The following TMEM130 variants were observed in gnomAD, a reference collection of about 807,000 sequenced individuals.
TMEM130 encodes transmembrane protein 130.
Under a neutral mutation model 42.9 loss-of-function variants are expected in TMEM130, and 37 were observed. The observed-to-expected ratio is 0.86, with a 90% CI of 0.66 to 1.13. The LOEUF (loss-of-function observed/expected upper bound fraction) is 1.13. Ranked by LOEUF, TMEM130 falls within the 50% of genes most tolerant of loss-of-function variation. The pLI, the probability that TMEM130 is intolerant of heterozygous loss-of-function variation, is 0.00. For synonymous variants in TMEM130, 259 were observed against 237.7 expected, an observed-to-expected ratio of 1.09 and a Z score of -0.82; for missense variants, 545 against 562.6, an observed-to-expected ratio of 0.97 and a Z score of 0.32.
intron 3 of TMEM130, among the ~76,000 whole-genome samples, chr7:98,858,223 A>G (rs1247763528): frequency 1.3e-5 from 2 of 151,998 alleles, no homozygotes; most frequent in African/African-American, 2.4e-5. Flanking sequence ...GTTTCTGTTC[A>G]TACTAACGCT....
At position 98,847,881 on chromosome 7, in the gene TMEM130, G is replaced by A. The variant is rs1477107313; in HGVS notation, c.*175C>T. 8.1e-6 allele frequency: 5 copies of A among 618,304 alleles called. No homozygotes were observed. The highest frequency in any genetic ancestry group is 1.4e-5 in the Non-Finnish European group (5 of 352,362). The allele number at this position is 618,304 out of a possible 1,614,324, so 38.3% of individuals were successfully genotyped here. ...CAGATGGGTGAATGGCTGGGGTCAG[G>A]GGTGACAGAGAGGGAGGGGCTTGTG... On this transcript the variant is annotated 3_prime_UTR_variant, in exon 8 of 8. Transcript: ENST00000339375.
chr7:98,869,864 CG>C lies in TMEM130; in HGVS notation c.-4del. On this transcript the variant is annotated 5_prime_UTR_variant, in exon 1 of 8. Coordinates refer to ENST00000339375, the MANE Select transcript of TMEM130 (RefSeq NM_152913.3). The surrounding 1 kb of genome is among the most constrained non-coding windows in gnomAD (Gnocchi z 4.7). ...CGCGACCACACTGCCTGGGCCATTG[CG>C]GGGCCCGGAGCGGGAGAAGCGTGGG... 2.2e-6 allele frequency: 3 copies of C among 1,371,838 alleles called. No individual in the cohort carries two copies. Among genetic ancestry groups the C allele is most frequent in the Non-Finnish European group, 1.9e-6 (2 of 1,058,108 alleles). 85.0% of individuals were successfully genotyped at this position (1,371,838 alleles called of 1,614,324 possible).
chr7:98,869,801 A>G lies in TMEM130; in HGVS notation c.61T>C (p.Trp21Arg). ...RILWLACLLP[W>R]APAGVAAGLY... ...CCTGCGGCCACCCCTGCCGGGGCCC[A>G]GGGCAGGAGGCAGGCAAGCCAGAGG... The change falls in exon 1 of 8, where the codon TGG (tryptophan) becomes CGG (arginine). Residue 21 changes from tryptophan (W) to arginine (R), a missense_variant. By Grantham distance (101) the Trp-to-Arg change is moderately radical. Coordinates refer to ENST00000339375, the MANE Select transcript of TMEM130 (RefSeq NM_152913.3). This position sits in a 1 kb window ranked among gnomAD's most constrained non-coding sequence, Gnocchi z 4.7. 3 of 1,434,894 alleles carry G rather than the reference A, an allele frequency of 2.1e-6. No homozygotes were observed. The highest frequency in any genetic ancestry group is 1.8e-6 in the Non-Finnish European group (2 of 1,094,942). 88.9% of individuals were successfully genotyped at this position (1,434,894 alleles called of 1,614,324 possible).
intron 6 of TMEM130, 33 bp from the exon 7 acceptor site, chr7:98,848,728 G>A: frequency 1.4e-6 from 2 of 1,413,096 alleles, no homozygotes; most frequent in Non-Finnish European, 2.0e-6. Flanking sequence ...TACAGGACTG[G>A]GTAGCTGGTA....
intron 5 of TMEM130, among the ~76,000 whole-genome samples, chr7:98,851,898 A>G (rs1465744976): frequency 3.9e-5 from 6 of 152,142 alleles, no homozygotes; most frequent in African/African-American, 1.4e-4. Flanking sequence ...CTGATGGCAC[A>G]CATGGTGTAC....
intron 6 of TMEM130, 150 bp from the exon 7 acceptor site, chr7:98,848,845 C>T (rs1399875350): frequency 1.6e-6 from 1 of 643,442 alleles, no homozygotes; most frequent in South Asian, 1.8e-5. Flanking sequence ...TGGGCAACCC[C>T]AATAGGTAAA....
chr7:98,869,071 A>C lies in TMEM130; in HGVS notation c.85+706T>G. ...TGCCCACGTCCCATCTGTCCCTCGA[A>C]TAGTCTTAAATCTGGGTCCTTTTAT... is the stretch of plus-strand genomic sequence containing the variant. On this transcript the variant is annotated intron_variant, in intron 1 of 7. Transcript: ENST00000339375. The surrounding 1 kb of genome is among the most constrained non-coding windows in gnomAD (Gnocchi z 4.7). 1.3e-6 allele frequency: 1 copy of C among 760,798 alleles called. No homozygotes were observed. The highest frequency in any genetic ancestry group is 3.0e-4 in the Middle Eastern group (1 of 3,342). 47.1% of individuals were successfully genotyped at this position (760,798 alleles called of 1,614,324 possible).
chr7:98,860,230 C>T lies in TMEM130; in HGVS notation c.500G>A (p.Ser167Asn), dbSNP rs1554399579. 2 of 1,613,938 alleles carry T rather than the reference C, an allele frequency of 1.2e-6. No individual in the cohort carries two copies. Among genetic ancestry groups the T allele is most frequent in the Admixed American group, 1.7e-5 (1 of 59,984 alleles). The change falls in exon 3 of 8, where the codon AGC (serine) becomes AAC (asparagine). Residue 167 changes from serine (S) to asparagine (N), a missense_variant. Physicochemically the swap from Ser to Asn is conservative, Grantham distance 46 (BLOSUM62 1). Coordinates refer to ENST00000339375, the MANE Select transcript of TMEM130 (RefSeq NM_152913.3). ...LKVSFLLHDP[S>N]NFLKTALFLY... ...AAACAAGGCGGTCTTGAGGAAGTTG[C>T]TCGGGTCGTGGAGGAGGAAGGAGAC...
chr7:98,868,353 A>G (rs2116147437), intron 1 of TMEM130, among the ~76,000 whole-genome samples: 1 of 152,326 alleles, frequency 6.6e-6, no homozygotes, highest in African/African-American at 2.4e-5. Context: ...CTCAAGGGGC[A>G]AAAGCAAAAA....
Position 98,860,220 on chromosome 7 carries a change from G to C in TMEM130, c.510C>G (p.Leu170=). ...AGCTGTAGAGAAACAAGGCGGTCTT[G>C]AGGAAGTTGCTCGGGTCGTGGAGGA... ...SFLLHDPSNF[L]KTALFLYSWD... Residue 170 remains leucine, a synonymous_variant, in exon 3 of 8, where the codon CTC becomes CTG. Transcript: ENST00000339375. The C allele has an allele frequency of 6.2e-7, 1 of 1,614,120 alleles. No homozygotes were observed. Among genetic ancestry groups the C allele is most frequent in the African/African-American group, 1.3e-5 (1 of 75,062 alleles).
intron 3 of TMEM130, among the ~76,000 whole-genome samples, chr7:98,857,627 G>A (rs971780494): frequency 9.9e-5 from 15 of 151,998 alleles, no homozygotes; most frequent in Admixed American, 5.2e-4. Flanking sequence ...TTGAGGCCAG[G>A]AGGCGGAGGT....
chr7:98,863,183 C>G lies in TMEM130; in HGVS notation c.303G>C (p.Gly101=), dbSNP rs1344707681. 1 of 1,614,028 alleles carries G rather than the reference C, an allele frequency of 6.2e-7. No individual in the cohort carries two copies. Among genetic ancestry groups the G allele is most frequent in the Non-Finnish European group, 8.5e-7 (1 of 1,180,050 alleles). The part of the protein sequence containing the change: ...STIRVVGHVP[G]EFPVSVWVTA... ...TGACCCAGACAGAGACCGGGAATTC[C>G]CCGGGCACGTGGCCGACCACACGGA... Residue 101 remains glycine, a synonymous_variant, in exon 2 of 8, where the codon GGG becomes GGC. Transcript: ENST00000339375.
intron 4 of TMEM130, 101 bp from the exon 5 acceptor site, chr7:98,855,425 G>A (rs1040333591): frequency 5.3e-5 from 57 of 1,067,882 alleles, no homozygotes; most frequent in Admixed American, 3.7e-4. Context: ...CCTCCCCTCC[G>A]TCCCTCTCCT....
Position 98,848,115 on chromosome 7 carries a change from G to T in TMEM130, c.1213C>A (p.Arg405Ser), listed in dbSNP as rs782136245. The T allele has an allele frequency of 6.2e-7, 1 of 1,614,070 alleles. No homozygotes were observed. The highest frequency in any genetic ancestry group is 1.7e-5 in the Admixed American group (1 of 60,010). Residue 405 changes from arginine (R) to serine (S), a missense_variant, in exon 8 of 8, where the codon CGT (arginine) becomes AGT (serine). By Grantham distance (110) the Arg-to-Ser change is moderately radical. Transcript: ENST00000339375. The part of the protein sequence containing the change: ...ETPSEYLEIV[R>S]ENHGLLPPLY... ...GGCGGGAGCAGCCCGTGGTTCTCAC[G>T]AACAATTTCCAGGTACTCAGATGGA...
In TMEM130 at chr7:98,848,027, C is replaced by T. The variant is rs572646161; in HGVS notation, c.*29G>A. On this transcript the variant is annotated 3_prime_UTR_variant, in exon 8 of 8. Coordinates refer to ENST00000339375, the MANE Select transcript of TMEM130 (RefSeq NM_152913.3). ...AAACTCCAAGTCAGCAGTCAGTTAA[C>T]ACTGAGATGGGGTGGGGAGGGGGAG... 2.5e-6 allele frequency: 4 copies of T among 1,596,418 alleles called. No individual in the cohort carries two copies. The highest frequency in any genetic ancestry group is 1.1e-5 in the South Asian group (1 of 88,676).
intron 5 of TMEM130, among the ~76,000 whole-genome samples, chr7:98,854,019 TTTTTG>T (rs1196572795): frequency 6.8e-6 from 1 of 146,784 alleles, no homozygotes; most frequent in Non-Finnish European, 1.5e-5. Context: ...AGATTTGCTT[TTTTTG>T]TTTTTTGGTT....
At chr7:98,861,645 T>C (rs565317936) in intron 2 of TMEM130, among the ~76,000 whole-genome samples, 2 of 151,824 alleles carry the variant, frequency 1.3e-5, no homozygotes, top group South Asian at 4.2e-4. Context: ...AACTGGGAGG[T>C]GGAGGTTGCA....
chr7:98,868,861 A>G (rs1794965626), intron 1 of TMEM130, among the ~76,000 whole-genome samples: 1 of 152,226 alleles, frequency 6.6e-6, no homozygotes. Context: ...AGGAGGAAAT[A>G]GGTAATCTTG....
At chr7:98,864,404 A>G (rs1584245641) in intron 1 of TMEM130, among the ~76,000 whole-genome samples, 1 of 140,554 alleles carries the variant, frequency 7.1e-6, no homozygotes, top group African/African-American at 2.6e-5. Flanking sequence ...TTTTGTAGAG[A>G]CAGGATCTCA....
Sources: allele counts gnomAD v4.1 joint callset (sites outside exome capture counted in the v4.1 genomes callset), GRCh38; gene constraint gnomAD v4.1.1; non-coding constraint Gnocchi (gnomAD v3.1); transcripts MANE v1.5; gene names NCBI Gene and HGNC (gene_info 2026-07-23, HGNC 2026-07-21).